MYRF: variants seen among roughly 807,000 people sequenced by gnomAD.
MYRF encodes myelin gene regulatory factor.
A neutral mutation model predicts 126.3 loss-of-function variants in MYRF; 16 were observed. The ratio of observed to expected loss-of-function variants is 0.13; its 90% CI spans 0.09 to 0.19. The LOEUF (loss-of-function observed/expected upper bound fraction) is 0.19. Ranked by LOEUF, MYRF falls within the 10% of genes least tolerant of loss-of-function variation. The pLI, the probability that MYRF is intolerant of heterozygous loss-of-function variation, is 1.00. For missense variants in MYRF, 1,104 were observed against 1,547.0 expected, an observed-to-expected ratio of 0.71 and a Z score of 4.80; for synonymous variants, 608 against 635.3, an observed-to-expected ratio of 0.96 and a Z score of 0.65.
intron 1 of MYRF, among the ~76,000 whole-genome samples, chr11:61,765,115 G>C (rs910751620): frequency 1.3e-5 from 2 of 152,234 alleles, no homozygotes; most frequent in Admixed American, 6.5e-5. Context: ...GTGCTCCTGC[G>C]TTCCTGGAGC....
Position 61,757,647 on chromosome 11 carries a change from C to T in MYRF, c.46+4857C>T, listed in dbSNP as rs1312735699. On this transcript the variant is annotated intron_variant, in intron 1 of 26. Transcript: ENST00000278836. This position sits in a 1 kb window ranked among gnomAD's most constrained non-coding sequence, Gnocchi z 4.7. ...GGCACATCCAGTGGGGCCCGCCCCACCTCCCCCTCTGAGATTTGGGTTCTG... is the reference window on the plus strand; with the variant it reads ...GGCACATCCAGTGGGGCCCGCCCCATCTCCCCCTCTGAGATTTGGGTTCTG... 4.6e-6 allele frequency: 2 copies of T among 430,248 alleles called. No homozygotes were observed. The highest frequency in any genetic ancestry group is 4.1e-5 in the African/African-American group (2 of 49,114). The allele number at this position is 430,248 out of a possible 1,614,324, so 26.7% of individuals were successfully genotyped here.
In MYRF at chr11:61,779,866, G is replaced by A. The variant is rs1185550764; in HGVS notation, c.2272G>A (p.Ala758Thr). ...SKSSSVVPDQ[A>T]CISQRFLQGT... ...GTCATCGTCCGTGGTTCCGGACCAG[G>A]CCTGCATCAGCCAGCGCTTCCTGCA... Residue 758 changes from alanine (A) to threonine (T), a missense_variant, in exon 17 of 27, where the codon GCC becomes ACC. By Grantham distance (58) the Ala-to-Thr change is moderately conservative. This residue lies in a region of MYRF where 323 missense variants were observed against 383.1 expected (regional missense o/e 0.84). Transcript: ENST00000278836. The A allele has an allele frequency of 1.9e-6, 3 of 1,614,154 alleles. No homozygotes were observed. The highest frequency in any genetic ancestry group is 1.3e-5 in the African/African-American group (1 of 75,064).
chr11:61,787,742 C>CCTT lies in MYRF; in HGVS notation c.*1600_*1602dup, dbSNP rs2066726454. On this transcript the variant is annotated 3_prime_UTR_variant, in exon 27 of 27. Transcript: ENST00000278836. Reference sequence around the variant, plus strand: ...CCAAACCATGCAGGGGCTGAGCCTTCCTTATGATGACTTTGTTCTCCCTCC... The same window carrying CCTT: ...CCAAACCATGCAGGGGCTGAGCCTTCCTTCTTATGATGACTTTGTTCTCCCTCC... 1 of 152,746 alleles carries CCTT rather than the reference C, an allele frequency of 6.5e-6. No individual in the cohort carries two copies. Among genetic ancestry groups the CCTT allele is most frequent in the African/African-American group, 2.4e-5 (1 of 41,442 alleles). The allele number at this position is 152,746 out of a possible 1,614,324, so 9.5% of individuals were successfully genotyped here.
In MYRF at chr11:61,781,235, C is replaced by T. The variant is rs1224360226; in HGVS notation, c.2670C>T (p.Pro890=). The change falls in exon 21 of 27, where the codon CCC becomes CCT. Residue 890 remains proline, a synonymous_variant. Coordinates refer to ENST00000278836, the MANE Select transcript of MYRF (RefSeq NM_001127392.3). ...GCCCTGTCATCTGCTGTTCCTCACCCACTACCAACCCTACCACTGGTCCTA... is the reference window on the plus strand; with the variant it reads ...GCCCTGTCATCTGCTGTTCCTCACCTACTACCAACCCTACCACTGGTCCTA... ...HPCPVICCSS[P]TTNPTTGPSL... 3.1e-6 allele frequency: 5 copies of T among 1,614,072 alleles called. No individual in the cohort carries two copies. The African/African-American group carries it at 6.7e-5, about 22-fold the overall frequency.
In MYRF at chr11:61,766,033, C is replaced by G. The variant is rs767872277; in HGVS notation, c.210C>G (p.Ser70Arg). ...GGCAGCCTGCGATGCCTGGCTCCAG[C>G]GGGGTCCACCACCTGAGCCCCCCTG... ...SHGQPAMPGSSGVHHLSPPGG... is the reference protein window; with the variant it reads ...SHGQPAMPGSRGVHHLSPPGG... The change falls in exon 3 of 27, where the codon AGC becomes AGG. Residue 70 changes from serine (S) to arginine (R), a missense_variant. Physicochemically the swap from Ser to Arg is moderately radical, Grantham distance 110. This residue lies in a region of MYRF where 368 missense variants were observed against 403.9 expected (regional missense o/e 0.91). Coordinates refer to ENST00000278836, the MANE Select transcript of MYRF (RefSeq NM_001127392.3). 2 of 1,593,736 alleles carry G rather than the reference C, an allele frequency of 1.3e-6. No individual in the cohort carries two copies. Among genetic ancestry groups the G allele is most frequent in the East Asian group, 2.3e-5 (1 of 44,238 alleles).
chr11:61,771,442 C>T, intron 5 of MYRF, 58 bp from the exon 6 acceptor site: 1 of 1,572,850 alleles, frequency 6.4e-7, no homozygotes. Flanking sequence ...TGGATACTAC[C>T]CAGTGGGAGG....
chr11:61,763,120 C>T (rs2065946112), intron 1 of MYRF, among the ~76,000 whole-genome samples: 1 of 152,182 alleles, frequency 6.6e-6, no homozygotes, highest in African/African-American at 2.4e-5. Flanking sequence ...GGCTCAAAAA[C>T]TTGCAGCTTC....
rs1399793834 is a variant in MYRF at position 61,777,437 on chromosome 11, C to T, written c.1764C>T (p.Asp588=). ...KVMGSLMHPS[D]LRAKEHVQEV... ...TGGGCTCGCTTATGCACCCCTCCGA[C>T]CTGCGCGCCAAGGAACACGTGCAGG... Residue 588 remains aspartate (D), a synonymous_variant, in exon 12 of 27, where the codon GAC becomes GAT. Transcript: ENST00000278836. The surrounding 1 kb of genome is among the most constrained non-coding windows in gnomAD (Gnocchi z 8.8). 1 of 1,612,900 alleles carries T rather than the reference C, an allele frequency of 6.2e-7. No homozygotes were observed. The highest frequency in any genetic ancestry group is 8.5e-7 in the Non-Finnish European group (1 of 1,179,638).
At position 61,787,649 on chromosome 11, in the gene MYRF, T is replaced by G. The variant is rs2066724114; in HGVS notation, c.*1506T>G. The G allele has an allele frequency of 6.5e-6, 1 of 152,748 alleles. No homozygotes were observed. The highest frequency in any genetic ancestry group is 1.5e-5 in the Non-Finnish European group (1 of 68,036). 9.5% of individuals were successfully genotyped at this position (152,748 alleles called of 1,614,324 possible). On this transcript the variant is annotated 3_prime_UTR_variant, in exon 27 of 27. Coordinates refer to ENST00000278836, the MANE Select transcript of MYRF (RefSeq NM_001127392.3). ...AGGGAAGAGCAGGGGGATGCAGGAA[T>G]AGCAGGGATAGCTTGCTCCCAGCCC... is the stretch of plus-strand genomic sequence containing the variant.
intron 25 of MYRF, 76 bp from the exon 26 acceptor site, chr11:61,785,724 G>A: frequency 7.9e-7 from 1 of 1,259,734 alleles, no homozygotes; most frequent in Non-Finnish European, 1.2e-6. Flanking sequence ...CCCCAGGACT[G>A]CGACGGCCGT....
intron 1 of MYRF, among the ~76,000 whole-genome samples, chr11:61,762,286 T>G (rs1372540440): frequency 6.6e-6 from 1 of 152,132 alleles, no homozygotes; most frequent in East Asian, 1.9e-4. Flanking sequence ...GCCAGAGGGC[T>G]CCGGGTGTCT....
rs2066316686 is a variant in MYRF, at chr11:61,774,458, G to A, written c.1311+296G>A. ...AAATCCTTTGAACCCGGGAGGCGGA[G>A]GTTGTAGGGGGCTGAGATCACGCCA... On this transcript the variant is annotated intron_variant, in intron 8 of 26. Transcript: ENST00000278836. 2.0e-5 allele frequency among the ~76,000 whole-genome samples: 3 copies of A among 151,700 alleles called. No individual in the cohort carries two copies. The South Asian group carries it at 6.2e-4, about 32-fold the overall frequency.
intron 7 of MYRF, among the ~76,000 whole-genome samples, chr11:61,772,915 C>T (rs1378258902): frequency 6.6e-6 from 1 of 152,158 alleles, no homozygotes; most frequent in Non-Finnish European, 1.5e-5. Context: ...TGCCCAGCTT[C>T]CGCCAGGCCA....
At chr11:61,758,763 C>T (rs2065829302) in intron 1 of MYRF, among the ~76,000 whole-genome samples, 1 of 152,244 alleles carries the variant, frequency 6.6e-6, no homozygotes. Flanking sequence ...TGACTCTGCT[C>T]CCTAGAATGT....
In MYRF at chr11:61,779,852, T is replaced by C; in HGVS notation, c.2258T>C (p.Val753Ala). ...PPKVASKSSS[V>A]VPDQACISQR... ...CCTCTTGGTCCTCAGTCATCGTCCG[T>C]GGTTCCGGACCAGGCCTGCATCAGC... Residue 753 changes from valine (V) to alanine (A), a missense_variant, in exon 17 of 27, where the codon GTG becomes GCG. Coordinates refer to ENST00000278836, the MANE Select transcript of MYRF (RefSeq NM_001127392.3). 1 of 1,613,930 alleles carries C rather than the reference T, an allele frequency of 6.2e-7. No individual in the cohort carries two copies. Among genetic ancestry groups the C allele is most frequent in the Non-Finnish European group, 8.5e-7 (1 of 1,179,818 alleles).
chr11:61,767,063 A>C (rs1368821982), intron 3 of MYRF: 2 of 456,732 alleles, frequency 4.4e-6, no homozygotes, highest in Admixed American at 4.7e-5. Flanking sequence ...TTATCGTGGG[A>C]AGCAACAAGG....
chr11:61,755,342 G>A (rs927971716), intron 1 of MYRF: 8 of 1,579,950 alleles, frequency 5.1e-6, no homozygotes, highest in South Asian at 2.3e-5. Flanking sequence ...CCCCGTGACC[G>A]CCCGGCTAAT....
In MYRF at chr11:61,765,617, C is replaced by T. The variant is rs1251707446; in HGVS notation, c.47-8C>T. On this transcript the variant is annotated splice_region_variant and splice_polypyrimidine_tract_variant and intron_variant, in intron 1 of 26. Transcript: ENST00000278836. ...CCTCTTCCCTAGCCCATCTCTCCTG[C>T]CCTGCAGGCCACGACATCAACGGTG... 1.9e-6 allele frequency: 3 copies of T among 1,610,440 alleles called. No homozygotes were observed. The highest frequency in any genetic ancestry group is 2.5e-6 in the Non-Finnish European group (3 of 1,178,652).
At chr11:61,764,511 C>T (rs920315231) in intron 1 of MYRF, among the ~76,000 whole-genome samples, 1 of 152,214 alleles carries the variant, frequency 6.6e-6, no homozygotes, top group Non-Finnish European at 1.5e-5. Context: ...TGTTCCTGGA[C>T]CTGTCTGAGC....
Sources: gnomAD v4.1 joint callset for allele counts (sites outside exome capture counted in the v4.1 genomes callset) on GRCh38, gnomAD v4.1.1 for gene constraint, gnomAD v4.1.1 regional missense constraint, Gnocchi (gnomAD v3.1) non-coding constraint, MANE v1.5 for transcripts, NCBI Gene and HGNC (gene_info 2026-07-23, HGNC 2026-07-21) for gene names.